Variants in PRKN observed in about 807,000 individuals in gnomAD.
PRKN encodes the protein E3 ubiquitin-protein ligase parkin.
In PRKN, 56 loss-of-function variants were observed where a neutral mutation model predicts 59.5. The observed-to-expected ratio is 0.94, with a 90% CI of 0.76 to 1.18. The LOEUF is 1.18. Among genes scored for constraint, PRKN ranks in the 50% most tolerant of loss-of-function variants. PRKN has a pLI of 0.00. For synonymous variants in PRKN, 250 were observed against 222.1 expected (o/e 1.13, Z -1.12); for missense variants, 657 against 596.4 (o/e 1.10, Z -1.06).
chr6:162,677,131 C>A (rs1158343542), intron 1 of PRKN, among the ~76,000 whole-genome samples: 1 of 147,772 alleles, frequency 6.8e-6, no homozygotes, highest in Non-Finnish European at 1.5e-5. Flanking sequence ...AAAAAAAACA[C>A]TGGAGAACTT....
intron 1 of PRKN, among the ~76,000 whole-genome samples, chr6:162,615,438 A>G (rs1190155137): frequency 2.6e-5 from 2 of 76,044 alleles, no homozygotes; most frequent in African/African-American, 1.0e-4. Flanking sequence ...CTCAATTTCC[A>G]TGAGATGGAT....
At chr6:162,350,684 T>C (rs891238010) in intron 2 of PRKN, among the ~76,000 whole-genome samples, 12 of 152,192 alleles carry the variant, frequency 7.9e-5, no homozygotes, top group East Asian at 3.9e-4. Context: ...CAATTGATCA[T>C]AGTCTTAAAT....
intron 1 of PRKN, among the ~76,000 whole-genome samples, chr6:162,555,474 T>G (rs374275237): frequency 6.6e-6 from 1 of 152,122 alleles, no homozygotes; most frequent in African/African-American, 2.4e-5. Context: ...ATTACCCAAA[T>G]AGAAGCTTTC....
At chr6:162,076,144 T>C (rs1484344305) in intron 4 of PRKN, among the ~76,000 whole-genome samples, 2 of 151,926 alleles carry the variant, frequency 1.3e-5, no homozygotes, top group Non-Finnish European at 2.9e-5. Flanking sequence ...AATTTTTGTA[T>C]TTTTAGTAGA....
At chr6:162,398,992 A>G (rs1011679013) in intron 2 of PRKN, among the ~76,000 whole-genome samples, 1 of 152,188 alleles carries the variant, frequency 6.6e-6, no homozygotes, top group Non-Finnish European at 1.5e-5. Flanking sequence ...AAACATAAAC[A>G]TGATTATCAG....
At chr6:162,269,069 G>A (rs1780258768) in intron 2 of PRKN, among the ~76,000 whole-genome samples, 1 of 152,298 alleles carries the variant, frequency 6.6e-6, no homozygotes, top group Non-Finnish European at 1.5e-5. Flanking sequence ...AGTATGGAAA[G>A]TGAAAAGAAG....
chr6:162,160,440 C>T lies in PRKN; in HGVS notation c.534+40691G>A, dbSNP rs114126713. Among the ~76,000 whole-genome samples, 1,341 of 152,124 alleles carry T rather than the reference C, an allele frequency of 8.8e-3. 22 individuals are homozygous for T. Among genetic ancestry groups the T allele is most frequent in the African/African-American group, 0.03 (1,263 of 41,510 alleles). ...AAGGAAGGGATGGCTGAATGGCAGTCGGAGACTTTCCTGGTTCTGGACATG... is the reference window on the plus strand; with the variant it reads ...AAGGAAGGGATGGCTGAATGGCAGTTGGAGACTTTCCTGGTTCTGGACATG... On this transcript the variant is annotated intron_variant, in intron 4 of 11. Coordinates refer to ENST00000366898, the MANE Select transcript of PRKN (RefSeq NM_004562.3).
At chr6:161,596,589 T>G (rs1428604716) in intron 7 of PRKN, among the ~76,000 whole-genome samples, 1 of 152,128 alleles carries the variant, frequency 6.6e-6, no homozygotes, top group Non-Finnish European at 1.5e-5. Context: ...GTCCCAGCGA[T>G]ATCGACAAGA....
At chr6:161,989,963 C>A (rs2128257828) in intron 5 of PRKN, among the ~76,000 whole-genome samples, 1 of 152,230 alleles carries the variant, frequency 6.6e-6, no homozygotes, top group Non-Finnish European at 1.5e-5. Context: ...GGCTTGCTTA[C>A]CCTGCCACCA....
intron 2 of PRKN, among the ~76,000 whole-genome samples, chr6:162,339,372 C>A (rs1211225422): frequency 3.4e-5 from 5 of 147,208 alleles, no homozygotes. Context: ...CCAGCCGCCC[C>A]GTCCGGGAGG....
chr6:161,383,722 G>A (rs1391727129), intron 10 of PRKN, among the ~76,000 whole-genome samples: 2 of 152,160 alleles, frequency 1.3e-5, no homozygotes, highest in African/African-American at 4.8e-5. Context: ...TCGCTCTGAG[G>A]CCCTCAGCCC....
chr6:162,168,553 T>A (rs1346819786), intron 4 of PRKN, among the ~76,000 whole-genome samples: 4 of 71,624 alleles, frequency 5.6e-5, no homozygotes, highest in Non-Finnish European at 7.9e-5. Context: ...CTAATCTGTT[T>A]TACAAAAAAA....
At chr6:162,481,581 G>A (rs182255046) in intron 1 of PRKN, among the ~76,000 whole-genome samples, 114 of 152,212 alleles carry the variant, frequency 7.5e-4, no homozygotes, top group African/African-American at 2.6e-3. Context: ...CATCTCACTG[G>A]GATGCAAAAG....
intron 4 of PRKN, among the ~76,000 whole-genome samples, chr6:162,093,400 G>A (rs1392257073): frequency 2.0e-5 from 3 of 152,112 alleles, no homozygotes; most frequent in East Asian, 1.9e-4. Context: ...TTCTTCTCCT[G>A]TAGTTATTAA....
chr6:161,743,344 C>T lies in PRKN; in HGVS notation c.871+42428G>A, dbSNP rs550604075. Among the ~76,000 whole-genome samples the T allele has an allele frequency of 2.6e-4, 39 of 150,130 alleles. No individual in the cohort carries two copies. In the South Asian group the frequency reaches 5.5e-3, roughly 21 times the overall value. ...ATGCCATTCTCCTGCCTCAGCCTCC[C>T]GAGCAGCTGGGACTACAGGCGCCCG... is the stretch of plus-strand genomic sequence containing the variant. On this transcript the variant is annotated intron_variant, in intron 7 of 11. Coordinates refer to ENST00000366898, the MANE Select transcript of PRKN (RefSeq NM_004562.3).
rs1786750592 is a variant in PRKN at position 161,396,181 on chromosome 6, T to C, written c.1084-9304A>G. Among the ~76,000 whole-genome samples, 1 of 152,114 alleles carries C rather than the reference T, an allele frequency of 6.6e-6. No homozygotes were observed. The highest frequency in any genetic ancestry group is 1.5e-5 in the Non-Finnish European group (1 of 68,040). On this transcript the variant is annotated intron_variant, in intron 9 of 11. Coordinates refer to ENST00000366898, the MANE Select transcript of PRKN (RefSeq NM_004562.3). This position sits in a 1 kb window ranked among gnomAD's most constrained non-coding sequence, Gnocchi z 5.4. ...TACTGTAACCATTTCTGAAAACAAT[T>C]CCTATGGGGACAGTCCTTATCTTCC...
chr6:162,494,028 T>C (rs1792939678), intron 1 of PRKN, among the ~76,000 whole-genome samples: 1 of 152,206 alleles, frequency 6.6e-6, no homozygotes, highest in African/African-American at 2.4e-5. Flanking sequence ...TCCTTACTGT[T>C]ACTGTCCATC....
chr6:162,538,023 G>A (rs1778788543), intron 1 of PRKN, among the ~76,000 whole-genome samples: 2 of 152,182 alleles, frequency 1.3e-5, no homozygotes, highest in Non-Finnish European at 2.9e-5. Flanking sequence ...TATAAATATA[G>A]TCATCTTCTC....
chr6:162,548,021 A>C (rs578175602), intron 1 of PRKN, among the ~76,000 whole-genome samples: 1 of 151,716 alleles, frequency 6.6e-6, no homozygotes, highest in Non-Finnish European at 1.5e-5. Flanking sequence ...CCCTCCTGAC[A>C]CTGGAAGGTG....
Sources: gnomAD v4.1 joint callset for allele counts (sites outside exome capture counted in the v4.1 genomes callset) on GRCh38, gnomAD v4.1.1 for gene constraint, Gnocchi (gnomAD v3.1) non-coding constraint, MANE v1.5 for transcripts, NCBI Gene and HGNC (gene_info 2026-07-23, HGNC 2026-07-21) for gene names.